The following STX8 variants were observed in gnomAD, a reference collection of about 807,000 sequenced individuals.
STX8 encodes the protein syntaxin-8.
Under a neutral mutation model 37.5 loss-of-function variants are expected in STX8, and 23 were observed. The ratio of observed to expected loss-of-function variants is 0.61; its 90% CI spans 0.44 to 0.87. The LOEUF (loss-of-function observed/expected upper bound fraction) is 0.87, where lower values mean the gene tolerates loss of function less well. Ranked by LOEUF, STX8 falls within the 40% of genes least tolerant of loss-of-function variation. The pLI, the probability that STX8 is intolerant of heterozygous loss-of-function variation, is 0.00. For synonymous variants in STX8, 115 were observed against 99.1 expected (o/e 1.16, Z -0.95); for missense variants, 313 against 284.7 (o/e 1.10, Z -0.71).
intron 7 of STX8, among the ~76,000 whole-genome samples, chr17:9,361,298 A>G (rs749655929): frequency 5.9e-5 from 9 of 152,264 alleles, no homozygotes; most frequent in Non-Finnish European, 8.8e-5. Flanking sequence ...GACTTGGCAA[A>G]GGAGAATTAT....
At chr17:9,338,896 C>G (rs990971292) in intron 7 of STX8, among the ~76,000 whole-genome samples, 37 of 151,924 alleles carry the variant, frequency 2.4e-4, no homozygotes, top group South Asian at 1.3e-3. Context: ...ACAGTGAAAC[C>G]CTGTCTCTAC....
intron 7 of STX8, among the ~76,000 whole-genome samples, chr17:9,253,782 C>T (rs913191900): frequency 4.6e-5 from 7 of 152,066 alleles, no homozygotes; most frequent in Non-Finnish European, 1.0e-4. Context: ...GAGCAGAGGC[C>T]AGTATGAATG....
intron 6 of STX8, among the ~76,000 whole-genome samples, chr17:9,390,383 G>A (rs116083587): frequency 0.037 from 5,576 of 151,976 alleles, 211 homozygotes; most frequent in African/African-American, 0.1. Context: ...TTACCTGGGC[G>A]TGGTGGTGGT....
rs548536865 is a variant in STX8 at position 9,440,450 on chromosome 17, T to C, written c.541+51379A>G. 2.8e-4 allele frequency among the ~76,000 whole-genome samples: 43 copies of C among 152,226 alleles called. No individual in the cohort carries two copies. The South Asian group carries it at 4.6e-3, about 16-fold the overall frequency. ...AGTTAACACTTCACCCCCAATTTACTGCAGTTATCTCCATTGGTCAATGAC... is the reference window on the plus strand; with the variant it reads ...AGTTAACACTTCACCCCCAATTTACCGCAGTTATCTCCATTGGTCAATGAC... On this transcript the variant is annotated intron_variant, in intron 6 of 7. Transcript: ENST00000306357.
intron 7 of STX8, among the ~76,000 whole-genome samples, chr17:9,259,193 C>T (rs1906916016): frequency 2.0e-5 from 3 of 152,174 alleles, no homozygotes; most frequent in Non-Finnish European, 4.4e-5. Flanking sequence ...ATCTCTGAAA[C>T]AAGACTGAAA....
intron 7 of STX8, among the ~76,000 whole-genome samples, chr17:9,344,827 C>T (rs563240956): frequency 1.1e-4 from 16 of 152,294 alleles, no homozygotes; most frequent in Non-Finnish European, 2.2e-4. Context: ...TCATTGACTT[C>T]CCACTGTCTC....
At position 9,573,087 on chromosome 17, in the gene STX8, C is replaced by T. The variant is rs1448605283; in HGVS notation, c.17+2705G>A. 1.1e-4 allele frequency among the ~76,000 whole-genome samples: 16 copies of T among 142,622 alleles called. No homozygotes were observed. In the East Asian group the frequency reaches 3.2e-3, roughly 29 times the overall value. The allele number at this position is 142,622 out of a possible 152,430, so 93.6% of individuals were successfully genotyped here. A position where few individuals can be genotyped will look rare whatever the true frequency, so the allele number is the denominator to read the frequency against. ...TCTAAGCCCACCCCCAACACCCCCC[C>T]CCACCCCCGCAACCATCTGAACGGA... On this transcript the variant is annotated intron_variant, in intron 1 of 7. Transcript: ENST00000306357.
intron 4 of STX8, among the ~76,000 whole-genome samples, chr17:9,544,353 G>C (rs1906410436): frequency 6.6e-6 from 1 of 152,138 alleles, no homozygotes; most frequent in South Asian, 2.1e-4. Flanking sequence ...CCGTCCTCCA[G>C]GTCTTCCAGC....
chr17:9,528,505 A>G (rs1231256884), intron 4 of STX8, among the ~76,000 whole-genome samples: 1 of 152,062 alleles, frequency 6.6e-6, no homozygotes, highest in Non-Finnish European at 1.5e-5. Flanking sequence ...TAGAGAGTAG[A>G]GACCATGTTG....
At chr17:9,493,214 A>G (rs879150205) in intron 5 of STX8, among the ~76,000 whole-genome samples, 2 of 151,932 alleles carry the variant, frequency 1.3e-5, no homozygotes, top group Non-Finnish European at 2.9e-5. Flanking sequence ...GCAGTGAGCC[A>G]TGATCACGCC....
intron 7 of STX8, among the ~76,000 whole-genome samples, chr17:9,255,161 TC>T (rs1268652950): frequency 1.3e-5 from 2 of 152,264 alleles, no homozygotes; most frequent in Non-Finnish European, 2.9e-5. Context: ...TGCTAATTTT[TC>T]TACCACAGAT....
intron 4 of STX8, among the ~76,000 whole-genome samples, chr17:9,524,771 G>GTT (rs1905495348): frequency 8.2e-6 from 1 of 122,412 alleles, no homozygotes; most frequent in African/African-American, 3.4e-5. Flanking sequence ...GATTTGTTTT[G>GTT]TTTTGTTTTG....
intron 7 of STX8, among the ~76,000 whole-genome samples, chr17:9,331,544 G>A (rs897724468): frequency 1.3e-5 from 2 of 152,188 alleles, no homozygotes; most frequent in African/African-American, 2.4e-5. Context: ...AAGCAGGACC[G>A]AGGCCGGGTG....
intron 4 of STX8, among the ~76,000 whole-genome samples, chr17:9,516,985 G>A (rs1905177214): frequency 6.6e-6 from 1 of 152,112 alleles, no homozygotes; most frequent in Non-Finnish European, 1.5e-5. Flanking sequence ...AGTAAGTGGG[G>A]AAGACTCATC....
intron 3 of STX8, among the ~76,000 whole-genome samples, chr17:9,549,309 A>G (rs73975723): frequency 0.081 from 12,398 of 152,274 alleles, 873 homozygotes; most frequent in African/African-American, 0.2. Flanking sequence ...AAAGAACATC[A>G]GTTTCAGAAA....
chr17:9,454,791 A>AT (rs961398308), intron 6 of STX8, among the ~76,000 whole-genome samples: 2 of 152,192 alleles, frequency 1.3e-5, no homozygotes, highest in African/African-American at 4.8e-5. Context: ...GAAACCACAT[A>AT]TAAGGGGGAA....
At chr17:9,462,193 G>T (rs889858321) in intron 6 of STX8, among the ~76,000 whole-genome samples, 15 of 152,106 alleles carry the variant, frequency 9.9e-5, no homozygotes, top group African/African-American at 3.6e-4. Flanking sequence ...TTCTATCGGA[G>T]GAGAAGCACA....
intron 7 of STX8, among the ~76,000 whole-genome samples, chr17:9,277,269 A>G (rs1266760968): frequency 1.3e-5 from 2 of 152,272 alleles, no homozygotes; most frequent in Admixed American, 6.5e-5. Flanking sequence ...CCCTACCGCT[A>G]TTTCTCAAAT....
chr17:9,254,018 C>T (rs1364209005), intron 7 of STX8, among the ~76,000 whole-genome samples: 2 of 152,184 alleles, frequency 1.3e-5, no homozygotes, highest in Non-Finnish European at 2.9e-5. Context: ...GTCCCTGCTC[C>T]ACGATGGAAC....
Sources: allele counts gnomAD v4.1 joint callset (sites outside exome capture counted in the v4.1 genomes callset), GRCh38; gene constraint gnomAD v4.1.1; transcripts MANE v1.5; gene names NCBI Gene and HGNC (gene_info 2026-07-23, HGNC 2026-07-21).